The following CDH18 variants were observed in gnomAD, a reference collection of about 807,000 sequenced individuals.
CDH18 encodes the protein cadherin 18.
In CDH18, 31 loss-of-function variants were observed where a neutral mutation model predicts 67.9. The ratio of observed to expected loss-of-function variants is 0.46; its 90% CI spans 0.34 to 0.62. The LOEUF (loss-of-function observed/expected upper bound fraction) is 0.62, where lower values mean the gene tolerates loss of function less well. CDH18 is among the 20% of genes least tolerant of loss of function. The pLI is 0.01. For synonymous variants in CDH18, 362 were observed against 347.2 expected, an observed-to-expected ratio of 1.04 and a Z score of -0.48; for missense variants, 890 against 975.5, an observed-to-expected ratio of 0.91 and a Z score of 1.17.
intron 1 of CDH18, among the ~76,000 whole-genome samples, chr5:20,267,295 T>C (rs1428756501): frequency 6.6e-6 from 1 of 152,188 alleles, no homozygotes. Context: ...TTTCTATGTG[T>C]TTATTTTTAT....
At chr5:20,438,333 A>C (rs965702984) in intron 1 of CDH18, among the ~76,000 whole-genome samples, 1 of 150,952 alleles carries the variant, frequency 6.6e-6, no homozygotes, top group African/African-American at 2.4e-5. Flanking sequence ...TGAACAGCAA[A>C]TGTAGAAAGA....
At chr5:20,165,752 G>A (rs1736233295) in intron 2 of CDH18, among the ~76,000 whole-genome samples, 3 of 151,794 alleles carry the variant, frequency 2.0e-5, no homozygotes, top group Admixed American at 1.3e-4. Flanking sequence ...GAATGCATTT[G>A]GTTTAATTCT....
chr5:19,612,941 C>A (rs1250699021), intron 5 of CDH18, among the ~76,000 whole-genome samples: 1 of 151,766 alleles, frequency 6.6e-6, no homozygotes, highest in African/African-American at 2.4e-5. Context: ...GAGTTTGAGA[C>A]CAGCTTGACC....
chr5:19,531,688 T>G lies in CDH18; in HGVS notation c.1391-10910A>C, dbSNP rs919454613. ...AGCTCACACCTGTAATCCCAGCACT[T>G]AGGGAGGCTGGCGTGGGTGGATCAG... On this transcript the variant is annotated intron_variant, in intron 9 of 12. Transcript: ENST00000382275. Among the ~76,000 whole-genome samples, 23 of 151,836 alleles carry G rather than the reference T, an allele frequency of 1.5e-4. 1 individual carries two copies. The highest frequency in any genetic ancestry group is 1.5e-5 in the Non-Finnish European group (1 of 67,940).
chr5:19,923,812 T>C (rs1419035007), intron 2 of CDH18, among the ~76,000 whole-genome samples: 1 of 152,212 alleles, frequency 6.6e-6, no homozygotes, highest in African/African-American at 2.4e-5. Flanking sequence ...CAAAATATAC[T>C]CTTCTCAAAA....
chr5:19,712,524 A>G (rs903313162), intron 5 of CDH18, among the ~76,000 whole-genome samples: 10 of 151,818 alleles, frequency 6.6e-5, no homozygotes, highest in Admixed American at 5.9e-4. Context: ...GGAATCAACC[A>G]CTGAAGTGTA....
chr5:20,382,673 A>G (rs1019159924), intron 1 of CDH18, among the ~76,000 whole-genome samples: 10 of 152,180 alleles, frequency 6.6e-5, no homozygotes, highest in Non-Finnish European at 1.5e-5. Flanking sequence ...AGGAACACCT[A>G]GTGACAGAAG....
chr5:19,528,323 T>C (rs1045888123), intron 9 of CDH18, among the ~76,000 whole-genome samples: 2 of 151,770 alleles, frequency 1.3e-5, no homozygotes, highest in Non-Finnish European at 3.0e-5. Flanking sequence ...ATTACAATCA[T>C]ATTTTTAATG....
At chr5:19,731,554 C>A (rs1767596404) in intron 4 of CDH18, among the ~76,000 whole-genome samples, 1 of 152,162 alleles carries the variant, frequency 6.6e-6, no homozygotes, top group African/African-American at 2.4e-5. Flanking sequence ...GATACTCAAT[C>A]TGTTGCAGAT....
chr5:19,719,947 A>AAGAAAGAG (rs1314921708), intron 5 of CDH18, among the ~76,000 whole-genome samples: 2 of 151,550 alleles, frequency 1.3e-5, no homozygotes, highest in African/African-American at 4.9e-5. Flanking sequence ...GAAAGAAAGA[A>AAGAAAGAG]AGAAAGAAAG....
chr5:20,342,942 A>G (rs563165925), intron 1 of CDH18, among the ~76,000 whole-genome samples: 1 of 152,142 alleles, frequency 6.6e-6, no homozygotes, highest in South Asian at 2.1e-4. Flanking sequence ...GGTCCAGAAG[A>G]TATACCCTTC....
chr5:20,108,663 C>G (rs116531078), intron 2 of CDH18, among the ~76,000 whole-genome samples: 1,713 of 152,238 alleles, frequency 0.011, 37 homozygotes, highest in African/African-American at 0.039. Context: ...TCAGCTTAAA[C>G]AGTACTTCCC....
At chr5:19,962,378 C>CAAAAAGAAAAAAAAAA (rs1796999489) in intron 2 of CDH18, among the ~76,000 whole-genome samples, 1 of 51,594 alleles carries the variant, frequency 1.9e-5, no homozygotes, top group Non-Finnish European at 3.3e-5. Context: ...CGTCAAAAAG[C>CAAAAAGAAAAAAAAAA]AAAAAAAAAA....
chr5:19,642,891 A>T (rs931985076), intron 5 of CDH18, among the ~76,000 whole-genome samples: 4 of 152,110 alleles, frequency 2.6e-5, no homozygotes, highest in Non-Finnish European at 5.9e-5. Context: ...CAACTTAGGG[A>T]ATGTGAGAAA....
At chr5:19,784,001 A>G (rs1411617054) in intron 3 of CDH18, among the ~76,000 whole-genome samples, 1 of 152,158 alleles carries the variant, frequency 6.6e-6, no homozygotes, top group African/African-American at 2.4e-5. Flanking sequence ...TCTTCATTTT[A>G]TAGATGAGTA....
chr5:19,717,398 C>T (rs757087190), intron 5 of CDH18, among the ~76,000 whole-genome samples: 4 of 69,336 alleles, frequency 5.8e-5, no homozygotes, highest in Non-Finnish European at 1.0e-4. Context: ...TCTTCCATTC[C>T]GTAAGGAAAT....
intron 1 of CDH18, among the ~76,000 whole-genome samples, chr5:20,352,508 G>A (rs1741272081): frequency 6.6e-6 from 1 of 151,542 alleles, no homozygotes; most frequent in Non-Finnish European, 1.5e-5. Context: ...GGACAGACAC[G>A]GGTGGCTCAC....
At chr5:19,487,926 A>T (rs35708783) in intron 11 of CDH18, among the ~76,000 whole-genome samples, 39,597 of 152,070 alleles carry the variant, frequency 0.26, 5,395 homozygotes, top group African/African-American at 0.34. Context: ...CAATTGGTAA[A>T]AATGTTGTGG....
At chr5:20,178,680 T>G (rs1737436103) in intron 2 of CDH18, among the ~76,000 whole-genome samples, 1 of 151,230 alleles carries the variant, frequency 6.6e-6, no homozygotes, top group South Asian at 2.1e-4. Flanking sequence ...GTAAGAACAG[T>G]GGGGGTATGC....
Sources: allele counts gnomAD v4.1 joint callset (sites outside exome capture counted in the v4.1 genomes callset), GRCh38; gene constraint gnomAD v4.1.1; transcripts MANE v1.5; gene names NCBI Gene and HGNC (gene_info 2026-07-23, HGNC 2026-07-21).